Variants in SGCD observed in about 807,000 individuals in gnomAD.
The protein encoded by SGCD is sarcoglycan delta.
SGCD carries 18 observed loss-of-function variants against 36.6 expected under a neutral mutation model. The observed-to-expected ratio is 0.49, with a 90% confidence interval of 0.34 to 0.73. SGCD has a LOEUF of 0.73. SGCD is among the 30% of genes least tolerant of loss of function. The pLI is 0.01. For missense variants in SGCD, 387 were observed against 346.7 expected, an observed-to-expected ratio of 1.12 and a Z score of -0.92; for synonymous variants, 133 against 130.6, an observed-to-expected ratio of 1.02 and a Z score of -0.12.
At chr5:156,280,815 A>G (rs1766434979) in intron 3 of SGCD, among the ~76,000 whole-genome samples, 1 of 152,170 alleles carries the variant, frequency 6.6e-6, no homozygotes, top group Non-Finnish European at 1.5e-5. Flanking sequence ...TTTGGACCCA[A>G]TTTCTACCCA....
At chr5:156,533,280 A>G (rs1757963749) in intron 4 of SGCD, among the ~76,000 whole-genome samples, 1 of 152,060 alleles carries the variant, frequency 6.6e-6, no homozygotes, top group African/African-American at 2.4e-5. Context: ...GATCTCCTAA[A>G]TTGTACCATC....
chr5:156,457,699 C>T (rs553423474), intron 3 of SGCD, among the ~76,000 whole-genome samples: 1 of 152,300 alleles, frequency 6.6e-6, no homozygotes, highest in East Asian at 1.9e-4. Context: ...TGAATCCTTT[C>T]CCTATGCCGC....
At chr5:156,388,207 C>G (rs1429455492) in intron 3 of SGCD, among the ~76,000 whole-genome samples, 1 of 152,138 alleles carries the variant, frequency 6.6e-6, no homozygotes, top group Non-Finnish European at 1.5e-5. Context: ...GATAGCCGGG[C>G]AAGGCAGCTA....
chr5:156,727,648 A>G (rs575758216), intron 7 of SGCD, among the ~76,000 whole-genome samples: 5 of 151,746 alleles, frequency 3.3e-5, no homozygotes, highest in South Asian at 2.1e-4. Flanking sequence ...AAATAATACA[A>G]AACTGTGAAG....
chr5:156,006,284 G>T (rs1364683900), intron 1 of SGCD, among the ~76,000 whole-genome samples: 1 of 152,056 alleles, frequency 6.6e-6, no homozygotes, highest in Non-Finnish European at 1.5e-5. Flanking sequence ...ATGCATTATG[G>T]CACTTTCTAG....
intron 3 of SGCD, among the ~76,000 whole-genome samples, chr5:156,307,555 G>GTTGTTTTTTTTTTTTTTT (rs1188757705): frequency 4.9e-5 from 2 of 41,146 alleles, no homozygotes; most frequent in Non-Finnish European, 4.9e-5. Context: ...TTTAACTGTT[G>GTTGTTTTTTTTTTTTTTT]TTTTTTTTTT....
intron 1 of SGCD, among the ~76,000 whole-genome samples, chr5:156,080,285 G>A (rs1760916204): frequency 6.6e-6 from 1 of 152,118 alleles, no homozygotes; most frequent in Non-Finnish European, 1.5e-5. Context: ...TAGGTCTCTG[G>A]GCTTGTGATT....
Position 156,594,898 on chromosome 5 carries a change from C to CCTCTCTAT in SGCD, c.383-17_383-10dup, listed in dbSNP as rs727504998. On this transcript the variant is annotated intron_variant, in intron 5 of 8. Coordinates refer to ENST00000337851, the MANE Select transcript of SGCD (RefSeq NM_000337.6). ...TTTTCTCTCTCTCTCTCTCCTCTCT[C>CCTCTCTAT]CTCTCTATCTCTCTATCTCTCTATA... 3.3e-5 allele frequency: 47 copies of CCTCTCTAT among 1,414,206 alleles called. 2 individuals carry two copies. The highest frequency in any genetic ancestry group is 3.2e-4 in the East Asian group (14 of 43,174). 87.6% of individuals were successfully genotyped at this position (1,414,206 alleles called of 1,614,324 possible). A position where few individuals can be genotyped will look rare whatever the true frequency, so the allele number is the denominator to read the frequency against.
chr5:156,687,605 T>C (rs1199664318), intron 7 of SGCD, among the ~76,000 whole-genome samples: 1 of 152,162 alleles, frequency 6.6e-6, no homozygotes, highest in Non-Finnish European at 1.5e-5. Context: ...CAGCAGATAA[T>C]GTACTTGGTA....
chr5:155,753,982 C>T, the SGCD span, among the ~76,000 whole-genome samples: 122,454 of 152,130 alleles, frequency 0.8, 50,195 homozygotes, highest in African/African-American at 0.94. Flanking sequence ...CATTCCATAT[C>T]GTCTTGCACT....
rs1237417676 is a variant in SGCD, at chr5:156,336,703, G to T, written c.3+7124G>T. ...GCCTGAATATGTATTAAACATTTCT[G>T]TAAGGATAAAAAATAAGCTGATAAC... On this transcript the variant is annotated intron_variant, in intron 2 of 8. Transcript: ENST00000337851. 3.3e-5 allele frequency among the ~76,000 whole-genome samples: 5 copies of T among 152,340 alleles called. No homozygotes were observed. The South Asian group carries it at 1.0e-3, about 32-fold the overall frequency.
intron 6 of SGCD, among the ~76,000 whole-genome samples, chr5:156,626,337 GT>G (rs1479382732): frequency 6.6e-6 from 1 of 152,148 alleles, no homozygotes; most frequent in Non-Finnish European, 1.5e-5. Flanking sequence ...GTAGTGCCCG[GT>G]GTCAGGCCAT....
intron 1 of SGCD, among the ~76,000 whole-genome samples, chr5:156,072,293 G>A (rs1366219769): frequency 6.6e-6 from 1 of 151,940 alleles, no homozygotes; most frequent in African/African-American, 2.4e-5. Context: ...CATGTTTAGT[G>A]CTTCCTTCAG....
At chr5:155,966,873 G>C (rs1757911569) in intron 1 of SGCD, among the ~76,000 whole-genome samples, 1 of 151,906 alleles carries the variant, frequency 6.6e-6, no homozygotes, top group Non-Finnish European at 1.5e-5. Context: ...TTAAGCAACT[G>C]TTGCTATTAG....
chr5:156,003,577 T>C (rs902319493), intron 1 of SGCD, among the ~76,000 whole-genome samples: 1 of 152,222 alleles, frequency 6.6e-6, no homozygotes, highest in African/African-American at 2.4e-5. Flanking sequence ...GTTTGATACA[T>C]CTGGGCATGT....
the SGCD span, among the ~76,000 whole-genome samples, chr5:155,736,626 T>A: frequency 6.6e-6 from 1 of 152,148 alleles, no homozygotes; most frequent in South Asian, 2.1e-4. Context: ...ACCTAATATC[T>A]CACCCTATCT....
chr5:155,917,627 C>A (rs1454112659), intron 1 of SGCD, among the ~76,000 whole-genome samples: 2 of 152,080 alleles, frequency 1.3e-5, no homozygotes, highest in African/African-American at 4.8e-5. Context: ...AGAAAGTAGG[C>A]TTTTTCCTGG....
At chr5:155,731,236 G>A in the SGCD span, among the ~76,000 whole-genome samples, 1 of 151,944 alleles carries the variant, frequency 6.6e-6, no homozygotes, top group Non-Finnish European at 1.5e-5. Flanking sequence ...GGTAGACAGG[G>A]CAAAGAATAA....
At chr5:155,878,868 A>G (rs1279256290) in intron 1 of SGCD, among the ~76,000 whole-genome samples, 1 of 152,132 alleles carries the variant, frequency 6.6e-6, no homozygotes, top group African/African-American at 2.4e-5. Flanking sequence ...ATTGAGCTTT[A>G]TTTCGTTATT....
Sources: gnomAD v4.1 joint callset for allele counts (sites outside exome capture counted in the v4.1 genomes callset) on GRCh38, gnomAD v4.1.1 for gene constraint, MANE v1.5 for transcripts, NCBI Gene and HGNC (gene_info 2026-07-23, HGNC 2026-07-21) for gene names.